Variants in PRR14L observed in about 807,000 individuals in gnomAD.
PRR14L encodes proline rich 14 like, also known as protein PRR14L.
In PRR14L, 80 loss-of-function variants were observed where a neutral mutation model predicts 155.0. The ratio of observed to expected loss-of-function variants is 0.52; its 90% CI spans 0.43 to 0.62. The LOEUF is 0.62. PRR14L is among the 20% of genes least tolerant of loss of function. The probability of loss-of-function intolerance (pLI) is 0.00; values close to 1 mark genes in which losing one functional copy is unlikely to be tolerated. For synonymous variants in PRR14L, 883 were observed against 916.0 expected, an observed-to-expected ratio of 0.96 and a Z score of 0.65; for missense variants, 2,469 against 2,548.0, an observed-to-expected ratio of 0.97 and a Z score of 0.67.
Position 31,714,306 on chromosome 22 carries a change from T to C in PRR14L, c.3533A>G (p.Asp1178Gly). The change falls in exon 4 of 9, where the codon GAT (aspartate) becomes GGT (glycine). Residue 1178 changes from aspartate (D) to glycine (G), a missense_variant. Around this residue, in one of 2 missense-constraint regions of PRR14L, gnomAD observed 2,363 missense variants for 2,371.6 expected, o/e 1.00. Transcript: ENST00000327423. ...ILGRVNLSLN[D>G]SHYGQQDKGT... ...TTTATCTTGCTGTCCATAATGGCTA[T>C]CATTTAAAGACAAATTTACTCTGCC... The C allele has an allele frequency of 2.6e-6, 4 of 1,551,738 alleles. No homozygotes were observed. Among genetic ancestry groups the C allele is most frequent in the Non-Finnish European group, 2.6e-6 (3 of 1,146,962 alleles).
At chr22:31,724,951 C>T (rs2074708843) in intron 3 of PRR14L, among the ~76,000 whole-genome samples, 1 of 152,198 alleles carries the variant, frequency 6.6e-6, no homozygotes, top group African/African-American at 2.4e-5. Flanking sequence ...CATTTTATCT[C>T]ATCCCTGACC....
Position 31,712,767 on chromosome 22 carries a change from T to C in PRR14L, c.5072A>G (p.Tyr1691Cys), listed in dbSNP as rs1430532620. 5.8e-6 allele frequency: 9 copies of C among 1,551,824 alleles called. No homozygotes were observed. The highest frequency in any genetic ancestry group is 4.9e-5 in the East Asian group (2 of 40,934). ...GGTCATCTTGATGGATTCGAGAGAA[T>C]AAAGTGCCATGGGCTTACTGTTAGG... ...KRPNSKPMAL[Y>C]SLESIKMTFI... The change falls in exon 4 of 9, where the codon TAT (tyrosine) becomes TGT (cysteine). Residue 1691 changes from tyrosine (Y) to cysteine (C), a missense_variant. This residue lies in a region of PRR14L where 2,363 missense variants were observed against 2,371.6 expected (regional missense o/e 1.00). Transcript: ENST00000327423.
chr22:31,746,971 AT>A (rs1005720860), intron 1 of PRR14L, among the ~76,000 whole-genome samples: 1 of 148,672 alleles, frequency 6.7e-6, no homozygotes, highest in Non-Finnish European at 1.5e-5. Context: ...TAATTTTTTT[AT>A]TTTTTTTATT....
chr22:31,709,790 C>G (rs936999325), intron 4 of PRR14L, among the ~76,000 whole-genome samples: 4 of 151,798 alleles, frequency 2.6e-5, no homozygotes, highest in Admixed American at 2.6e-4. Context: ...ATCTGCCGGC[C>G]GCAGCCTCCC....
At position 31,713,303 on chromosome 22, in the gene PRR14L, C is replaced by G. The variant is rs1469743552; in HGVS notation, c.4536G>C (p.Lys1512Asn). 8 of 1,552,172 alleles carry G rather than the reference C, an allele frequency of 5.2e-6. No individual in the cohort carries two copies. The change falls in exon 4 of 9, where the codon AAG (lysine) becomes AAC (asparagine). Residue 1512 changes from lysine (K) to asparagine (N), a missense_variant. Lys to Asn is a moderately conservative substitution (Grantham distance 94). This residue lies in a region of PRR14L where 2,363 missense variants were observed against 2,371.6 expected (regional missense o/e 1.00). Transcript: ENST00000327423. ...GCDQIHGAFA[K>N]KGVLPLKKQP... is the part of the protein sequence containing the mutation. ...GCTTCTTTAAGGGAAGAACTCCTTTCTTCGCAAAGGCACCATGTATTTGAT... is the reference window on the plus strand; with the variant it reads ...GCTTCTTTAAGGGAAGAACTCCTTTGTTCGCAAAGGCACCATGTATTTGAT...
At chr22:31,689,839 C>A (rs543095436) in intron 7 of PRR14L, among the ~76,000 whole-genome samples, 7 of 152,266 alleles carry the variant, frequency 4.6e-5, no homozygotes, top group Admixed American at 4.6e-4. Context: ...CTCCACCACC[C>A]GGGTTCAAGC....
chr22:31,698,318 C>G (rs991175788), intron 7 of PRR14L, among the ~76,000 whole-genome samples: 10 of 152,032 alleles, frequency 6.6e-5, no homozygotes, highest in African/African-American at 2.4e-4. Flanking sequence ...AGCTACCATG[C>G]CCGGCCAGAT....
intron 2 of PRR14L, among the ~76,000 whole-genome samples, chr22:31,729,553 A>G (rs568889366): frequency 1.9e-3 from 284 of 152,316 alleles, no homozygotes; most frequent in Non-Finnish European, 3.0e-3. Context: ...ACACGATCCT[A>G]AGACAGGAAA....
chr22:31,704,738 CA>C lies in PRR14L; in HGVS notation c.5757-13del, dbSNP rs1445261572. The C allele has an allele frequency of 6.2e-6, 10 of 1,609,742 alleles. No homozygotes were observed. The Admixed American group carries it at 8.3e-5, about 13-fold the overall frequency. On this transcript the variant is annotated splice_polypyrimidine_tract_variant and intron_variant, in intron 4 of 8. Coordinates refer to ENST00000327423, the MANE Select transcript of PRR14L (RefSeq NM_173566.3). ...GTAACATGGTGTGGCTAAAGTAAAGCAAAAGTACAAAAGCAATAGGTAAGGG... is the reference window on the plus strand; with the variant it reads ...GTAACATGGTGTGGCTAAAGTAAAGCAAAGTACAAAAGCAATAGGTAAGGG...
chr22:31,698,791 G>A (rs1898726159), intron 7 of PRR14L, among the ~76,000 whole-genome samples: 2 of 151,302 alleles, frequency 1.3e-5, no homozygotes, highest in Admixed American at 1.3e-4. Flanking sequence ...GCGTACTGGC[G>A]GGCGCCTGTA....
At chr22:31,733,316 T>TTTTTTTG in intron 2 of PRR14L, among the ~76,000 whole-genome samples, 1 of 144,422 alleles carries the variant, frequency 6.9e-6, no homozygotes, top group African/African-American at 2.6e-5. Flanking sequence ...TTTTTTTTTT[T>TTTTTTTG]TTTTTTGAGA....
chr22:31,748,497 G>T (rs751339930), intron 1 of PRR14L, among the ~76,000 whole-genome samples: 21 of 152,096 alleles, frequency 1.4e-4, no homozygotes, highest in African/African-American at 4.8e-4. Flanking sequence ...CTGTATAAAA[G>T]ATTTTCCTCT....
intron 2 of PRR14L, among the ~76,000 whole-genome samples, chr22:31,727,193 A>C (rs1390573813): frequency 2.0e-5 from 3 of 149,600 alleles, no homozygotes; most frequent in Non-Finnish European, 4.4e-5. Flanking sequence ...TGCCAAGCCC[A>C]CTGTTTCGAC....
intron 7 of PRR14L, among the ~76,000 whole-genome samples, chr22:31,689,378 GTC>G (rs2074499401): frequency 2.0e-5 from 3 of 151,438 alleles, no homozygotes; most frequent in Admixed American, 1.3e-4. Context: ...GACCCTAGGA[GTC>G]TCTGAGAGCT....
In PRR14L at chr22:31,706,342, G is replaced by A. The variant is rs1388872912; in HGVS notation, c.5757-1616C>T. 5.1e-5 allele frequency among the ~76,000 whole-genome samples: 7 copies of A among 136,154 alleles called. No individual in the cohort carries two copies. The East Asian group carries it at 1.3e-3, about 25-fold the overall frequency. The allele number at this position is 136,154 out of a possible 152,430, so 89.3% of individuals were successfully genotyped here. A position where few individuals can be genotyped will look rare whatever the true frequency, so the allele number is the denominator to read the frequency against. ...CACACCACTGCACTCCAGCCTGGGC[G>A]ACAGAGCAAGACTCTATCTCACAAA... On this transcript the variant is annotated intron_variant, in intron 4 of 8. Transcript: ENST00000327423.
rs1190399703 is a variant in PRR14L, at chr22:31,704,475, C to T, written c.5828+180G>A. On this transcript the variant is annotated intron_variant, in intron 5 of 8. Coordinates refer to ENST00000327423, the MANE Select transcript of PRR14L (RefSeq NM_173566.3). Reference sequence around the variant, plus strand: ...TTGTATTATTACACATTCCTAGTTGCTGCTTGTAATAGAACAGATTTCAAT... The same window carrying T: ...TTGTATTATTACACATTCCTAGTTGTTGCTTGTAATAGAACAGATTTCAAT... The T allele has an allele frequency of 1.2e-5, 5 of 427,706 alleles. No homozygotes were observed. In the East Asian group the frequency reaches 1.5e-4, roughly 13 times the overall value. The allele number at this position is 427,706 out of a possible 1,614,324, so 26.5% of individuals were successfully genotyped here. A position where few individuals can be genotyped will look rare whatever the true frequency, so the allele number is the denominator to read the frequency against.
chr22:31,728,096 T>C (rs2074727673), intron 2 of PRR14L, among the ~76,000 whole-genome samples: 2 of 151,954 alleles, frequency 1.3e-5, no homozygotes, highest in South Asian at 4.1e-4. Flanking sequence ...AACCTCCAGA[T>C]CCAGTGGGAG....
At chr22:31,690,156 A>G (rs530761107) in intron 7 of PRR14L, among the ~76,000 whole-genome samples, 6 of 152,222 alleles carry the variant, frequency 3.9e-5, no homozygotes, top group Non-Finnish European at 8.8e-5. Flanking sequence ...ACCTCAGGTG[A>G]TTCACCCACC....
rs767235519 is a variant in PRR14L at position 31,714,164 on chromosome 22, A to G, written c.3675T>C (p.His1225=). The change falls in exon 4 of 9, where the codon CAT becomes CAC. Residue 1225 remains histidine, a synonymous_variant. Coordinates refer to ENST00000327423, the MANE Select transcript of PRR14L (RefSeq NM_173566.3). ...TTCTTAGGGAAACAGAGCTTTCATC[A>G]TGGCAAGACATCGACTCTTTTGAGG... ...GISSKESMSC[H]DESSVSLRSL... is the part of the protein sequence containing the mutation. 2 of 1,551,642 alleles carry G rather than the reference A, an allele frequency of 1.3e-6. No individual in the cohort carries two copies. Among genetic ancestry groups the G allele is most frequent in the South Asian group, 1.2e-5 (1 of 84,048 alleles).
Sources: gnomAD v4.1 joint callset for allele counts (sites outside exome capture counted in the v4.1 genomes callset) on GRCh38, gnomAD v4.1.1 for gene constraint, gnomAD v4.1.1 regional missense constraint, MANE v1.5 for transcripts, NCBI Gene and HGNC (gene_info 2026-07-23, HGNC 2026-07-21) for gene names.